Variants in VSIG1 observed in about 807,000 individuals in gnomAD.
VSIG1 encodes V-set and immunoglobulin domain-containing protein 1.
A neutral mutation model predicts 20.1 loss-of-function variants in VSIG1; 11 were observed. The ratio of observed to expected loss-of-function variants is 0.55; its 90% confidence interval spans 0.34 to 0.91. VSIG1 has a LOEUF of 0.91. Ranked by LOEUF, VSIG1 falls within the 40% of genes least tolerant of loss-of-function variation. The pLI, the probability that VSIG1 is intolerant of heterozygous loss-of-function variation, is 0.02. For missense variants in VSIG1, 283 were observed against 298.8 expected, an observed-to-expected ratio of 0.95 and a Z score of 0.39; for synonymous variants, 126 against 116.7, an observed-to-expected ratio of 1.08 and a Z score of -0.52.
chrX:108,058,130 A>T lies in VSIG1; in HGVS notation c.142A>T (p.Thr48Ser), dbSNP rs772151170. 1.1e-5 allele frequency: 13 copies of T among 1,211,350 alleles called. No individual in the cohort carries two copies. Among genetic ancestry groups the T allele is most frequent in the Admixed American group, 6.5e-5 (3 of 45,993 alleles). The change falls in exon 2 of 7, where the codon ACT (threonine) becomes TCT (serine). Residue 48 changes from threonine (T) to serine (S), a missense_variant. By Grantham distance (58) the Thr-to-Ser change is moderately conservative. Transcript: ENST00000217957. ...NVTLICIYTT[T>S]VASREQLSIQ... The stretch of plus-strand genomic sequence containing the variant: ...CACTCTCATCTGCATCTACACCACC[A>T]CTGTGGCCTCCCGAGAACAGCTTTC...
intron 1 of VSIG1, among the ~76,000 whole-genome samples, chrX:108,051,923 A>G (rs1478274427): frequency 8.9e-6 from 1 of 111,875 alleles, no homozygotes; most frequent in Non-Finnish European, 1.9e-5. Context: ...CTTATATGTG[A>G]GATCTAAAAG....
intron 1 of VSIG1, among the ~76,000 whole-genome samples, chrX:108,047,969 T>TATATATATATATATACAC (rs2030686790): frequency 2.3e-5 from 1 of 43,075 alleles, no homozygotes; most frequent in Admixed American, 2.4e-4. Flanking sequence ...CACATATATA[T>TATATATATATATATACAC]ATATATATAT....
At chrX:108,071,892 C>CAAAAAAAAAAAAA (rs1203449181) in intron 3 of VSIG1, among the ~76,000 whole-genome samples, 18 of 36,344 alleles carry the variant, frequency 5.0e-4, no homozygotes, top group Admixed American at 1.2e-3. Flanking sequence ...TGAACAAATG[C>CAAAAAAAAAAAAA]AAAAAAAAAA....
intron 2 of VSIG1, among the ~76,000 whole-genome samples, chrX:108,060,057 GC>G (rs1195766365): frequency 1.8e-5 from 2 of 111,645 alleles, no homozygotes; most frequent in Non-Finnish European, 3.8e-5. Flanking sequence ...CCAGCAATGA[GC>G]TTTTTCTATA....
chrX:108,046,166 A>G (rs1259813315), intron 1 of VSIG1, among the ~76,000 whole-genome samples: 1 of 111,742 alleles, frequency 8.9e-6, no homozygotes, highest in Admixed American at 9.5e-5. Context: ...ACATTATGCT[A>G]TTTTTATAAT....
intron 1 of VSIG1, among the ~76,000 whole-genome samples, chrX:108,053,914 T>C (rs191605300): frequency 9.0e-6 from 1 of 111,394 alleles, no homozygotes; most frequent in Admixed American, 9.5e-5. Context: ...AAAATATATA[T>C]AGTATACATA....
the VSIG1 span, among the ~76,000 whole-genome samples, chrX:108,020,556 T>C: frequency 1.1e-4 from 12 of 111,829 alleles, no homozygotes; most frequent in Non-Finnish European, 1.9e-4. Context: ...TGTTTGCTGT[T>C]GTTTCTTGTG....
At chrX:108,068,658 C>T (rs1210336303) in intron 3 of VSIG1, among the ~76,000 whole-genome samples, 2 of 111,740 alleles carry the variant, frequency 1.8e-5, no homozygotes, top group African/African-American at 3.3e-5. Flanking sequence ...GGGGGAAATC[C>T]GCCCCCATGA....
At chrX:108,062,710 A>T (rs1037725038) in intron 2 of VSIG1, among the ~76,000 whole-genome samples, 2 of 111,468 alleles carry the variant, frequency 1.8e-5, no homozygotes, top group African/African-American at 6.5e-5. Flanking sequence ...CTGCACCACA[A>T]TACAGTCCAA....
At chrX:108,065,635 C>T (rs764175024) in intron 2 of VSIG1, among the ~76,000 whole-genome samples, 2 of 111,697 alleles carry the variant, frequency 1.8e-5, no homozygotes, top group East Asian at 5.7e-4. Flanking sequence ...TGTGTATCAC[C>T]AGCACTATTT....
At position 108,059,790 on chromosome X, in the gene VSIG1, A is replaced by G. The variant is rs903432654; in HGVS notation, c.213+1589A>G. ...ATTTCCGGACTAGTCTTGTCAACAC[A>G]TTCTTTATCTGTAGGCTTGAAATCC... On this transcript the variant is annotated intron_variant, in intron 2 of 6. Coordinates refer to ENST00000217957, the MANE Select transcript of VSIG1 (RefSeq NM_182607.5). Among the ~76,000 whole-genome samples the G allele has an allele frequency of 1.8e-5, 2 of 112,579 alleles. 1 individual carries two copies. The highest frequency in any genetic ancestry group is 3.8e-5 in the Non-Finnish European group (2 of 53,254).
In VSIG1 at chrX:108,067,116, C is replaced by T. The variant is rs1166422265; in HGVS notation, c.394C>T (p.Leu132Phe). 8.3e-7 allele frequency: 1 copy of T among 1,211,552 alleles called. No homozygotes were observed. Among genetic ancestry groups the T allele is most frequent in the Non-Finnish European group, 1.1e-6 (1 of 895,347 alleles). ...CTTTCTCGGCCAAAACCAAGGCATCCTCAACGTCAGTGTGTTAGGTATGAG... is the reference window on the plus strand; with the variant it reads ...CTTTCTCGGCCAAAACCAAGGCATCTTCAACGTCAGTGTGTTAGGTATGAG... ...PDFLGQNQGI[L>F]NVSVLVKPSK... Residue 132 changes from leucine (L) to phenylalanine (F), a missense_variant, in exon 3 of 7, where the codon CTC becomes TTC. By Grantham distance (22) the Leu-to-Phe change is conservative. Coordinates refer to ENST00000217957, the MANE Select transcript of VSIG1 (RefSeq NM_182607.5).
At chrX:108,045,226 T>G in intron 1 of VSIG1, 47 bp downstream of exon 1, 1 of 1,073,147 alleles carries the variant, frequency 9.3e-7, no homozygotes, top group Non-Finnish European at 1.3e-6. Flanking sequence ...GAAACAGAGT[T>G]TCCTTTTAAA....
intron 2 of VSIG1, chrX:108,061,486 A>G (rs1262491383): frequency 8.6e-7 from 1 of 1,167,210 alleles, no homozygotes; most frequent in South Asian, 1.9e-5. Flanking sequence ...CAGTGTCTAA[A>G]AATGACGCAC....
the VSIG1 span, among the ~76,000 whole-genome samples, chrX:108,032,579 C>T: frequency 9.0e-6 from 1 of 111,598 alleles, no homozygotes; most frequent in African/African-American, 3.3e-5. Flanking sequence ...CATAGGGCAA[C>T]TGGGGAAGGG....
chrX:108,047,983 T>TATATATACAC (rs2030692663), intron 1 of VSIG1, among the ~76,000 whole-genome samples: 1 of 68,472 alleles, frequency 1.5e-5, no homozygotes, highest in African/African-American at 6.5e-5. Context: ...TATATATATA[T>TATATATACAC]ATATATATAT....
upstream of VSIG1, among the ~76,000 whole-genome samples, chrX:108,043,831 T>C (rs1399098370): frequency 8.9e-6 from 1 of 112,325 alleles, no homozygotes; most frequent in East Asian, 2.8e-4. Flanking sequence ...CACTTGAAAT[T>C]TGTACACATT....
rs148530190 is a variant in VSIG1, at chrX:108,068,009, C to A, written c.412+875C>A. On this transcript the variant is annotated intron_variant, in intron 3 of 6. Transcript: ENST00000217957. ...GTCATTGCTGCTCTCAAGCTGTGTG[C>A]ACACATCACAAGAAAGGAGGAACTA... 9.4e-3 allele frequency among the ~76,000 whole-genome samples: 1,055 copies of A among 112,355 alleles called. 5 individuals are homozygous for A. The highest frequency in any genetic ancestry group is 0.012 in the Non-Finnish European group (660 of 53,234).
At chrX:108,038,275 GGT>G in the VSIG1 span, among the ~76,000 whole-genome samples, 1 of 110,629 alleles carries the variant, frequency 9.0e-6, no homozygotes, top group Non-Finnish European at 1.9e-5. Flanking sequence ...TGACAGGCCC[GGT>G]GTGTGTTGTT....
Sources: gnomAD v4.1 joint callset for allele counts (sites outside exome capture counted in the v4.1 genomes callset) on GRCh38, gnomAD v4.1.1 for gene constraint, MANE v1.5 for transcripts, NCBI Gene and HGNC (gene_info 2026-07-23, HGNC 2026-07-21) for gene names.